The following EXOC4 variants were observed in gnomAD, a reference collection of about 807,000 sequenced individuals.
The protein encoded by EXOC4 is exocyst complex component 4.
A neutral mutation model predicts 107.2 loss-of-function variants in EXOC4; 71 were observed. The ratio of observed to expected loss-of-function variants is 0.66; its 90% CI spans 0.55 to 0.81. EXOC4 has a LOEUF of 0.81. Among genes scored for constraint, EXOC4 ranks in the 30% least tolerant of loss-of-function variants. The pLI is 0.00. For synonymous variants in EXOC4, 456 were observed against 441.2 expected, an observed-to-expected ratio of 1.03 and a Z score of -0.42; for missense variants, 1,108 against 1,189.6, an observed-to-expected ratio of 0.93 and a Z score of 1.01.
chr7:133,808,936 A>C (rs1323371534), intron 10 of EXOC4, among the ~76,000 whole-genome samples: 3 of 151,982 alleles, frequency 2.0e-5, no homozygotes, highest in Non-Finnish European at 4.4e-5. Flanking sequence ...CTCTCCTGAA[A>C]AGTTCTGCAT....
intron 9 of EXOC4, among the ~76,000 whole-genome samples, chr7:133,593,648 T>C (rs184006281): frequency 6.6e-6 from 1 of 152,338 alleles, no homozygotes; most frequent in Non-Finnish European, 1.5e-5. Flanking sequence ...TCCTTTTCAG[T>C]TCCATTTCCC....
In EXOC4 at chr7:133,947,930, G is replaced by T. The variant is rs535819554; in HGVS notation, c.2206+9861G>T. On this transcript the variant is annotated intron_variant, in intron 14 of 17. Coordinates refer to ENST00000253861, the MANE Select transcript of EXOC4 (RefSeq NM_021807.4). ...CAACAAGATATGAAAGAATCTCTGG[G>T]AAAGAGGAGAGACAGAAGGAGTTAG... 3.9e-5 allele frequency among the ~76,000 whole-genome samples: 6 copies of T among 152,304 alleles called. No homozygotes were observed. The East Asian group carries it at 9.6e-4, about 24-fold the overall frequency.
At chr7:133,739,095 T>A (rs1387431678) in intron 10 of EXOC4, among the ~76,000 whole-genome samples, 1 of 152,174 alleles carries the variant, frequency 6.6e-6, no homozygotes, top group African/African-American at 2.4e-5. Flanking sequence ...TGGTGCCTTT[T>A]ATGAATTCCC....
At chr7:133,800,501 A>G (rs1796916112) in intron 10 of EXOC4, among the ~76,000 whole-genome samples, 1 of 152,190 alleles carries the variant, frequency 6.6e-6, no homozygotes, top group African/African-American at 2.4e-5. Context: ...AAAGTTTTCC[A>G]GTTTTGTTTT....
intron 9 of EXOC4, among the ~76,000 whole-genome samples, chr7:133,546,828 G>A (rs917590872): frequency 6.6e-6 from 1 of 152,014 alleles, no homozygotes; most frequent in African/African-American, 2.4e-5. Flanking sequence ...TGGATACATA[G>A]CTCTAGACTG....
At chr7:133,857,325 GTA>G (rs71162035) in intron 11 of EXOC4, among the ~76,000 whole-genome samples, 4 of 2,598 alleles carry the variant, frequency 1.5e-3, no homozygotes, top group Non-Finnish European at 2.4e-3. Context: ...ATATATACAC[GTA>G]TATATATATA....
chr7:133,373,875 G>A (rs1755937100), intron 6 of EXOC4, among the ~76,000 whole-genome samples: 1 of 152,154 alleles, frequency 6.6e-6, no homozygotes, highest in Non-Finnish European at 1.5e-5. Flanking sequence ...GATTAATAAT[G>A]GAGAAGTGAG....
intron 7 of EXOC4, among the ~76,000 whole-genome samples, chr7:133,382,843 G>A (rs1404413449): frequency 6.6e-6 from 1 of 152,112 alleles, no homozygotes; most frequent in African/African-American, 2.4e-5. Context: ...TGCAACTTGG[G>A]CTTTCCCTGG....
intron 14 of EXOC4, among the ~76,000 whole-genome samples, chr7:133,945,958 T>C (rs971164175): frequency 1.3e-5 from 2 of 152,240 alleles, no homozygotes; most frequent in Admixed American, 6.5e-5. Flanking sequence ...GGTTTGCTTT[T>C]GTCAGACCAT....
At chr7:133,558,182 GTTCCTTCTCT>G (rs1563107333) in intron 9 of EXOC4, among the ~76,000 whole-genome samples, 4 of 99,836 alleles carry the variant, frequency 4.0e-5, no homozygotes, top group African/African-American at 1.6e-4. Context: ...TGGTATTTTG[GTTCCTTCTCT>G]TTTCTTTTCT....
Position 133,425,434 on chromosome 7 carries a change from A to G in EXOC4, c.1183-49894A>G, listed in dbSNP as rs568905847. On this transcript the variant is annotated intron_variant, in intron 7 of 17. Coordinates refer to ENST00000253861, the MANE Select transcript of EXOC4 (RefSeq NM_021807.4). ...CCTGAGTAGCTGGGATTACAAGTGCACACTGCCACGTCTGGCTAATTTTTT... is the reference window on the plus strand; with the variant it reads ...CCTGAGTAGCTGGGATTACAAGTGCGCACTGCCACGTCTGGCTAATTTTTT... Among the ~76,000 whole-genome samples the G allele has an allele frequency of 1.1e-4, 16 of 152,154 alleles. 1 individual carries two copies. The East Asian group carries it at 3.1e-3, about 29-fold the overall frequency.
chr7:133,310,040 T>C (rs1356826189), intron 4 of EXOC4, among the ~76,000 whole-genome samples: 1 of 152,124 alleles, frequency 6.6e-6, no homozygotes, highest in Non-Finnish European at 1.5e-5. Flanking sequence ...GACTAGGAAA[T>C]TTGGATAGGT....
intron 9 of EXOC4, among the ~76,000 whole-genome samples, chr7:133,626,708 C>G (rs1227248423): frequency 6.6e-6 from 1 of 152,082 alleles, no homozygotes; most frequent in Non-Finnish European, 1.5e-5. Context: ...AATCTCATAC[C>G]CTGTCAATGT....
intron 7 of EXOC4, among the ~76,000 whole-genome samples, chr7:133,378,183 C>T (rs926640366): frequency 2.6e-5 from 4 of 151,770 alleles, no homozygotes; most frequent in Non-Finnish European, 4.4e-5. Context: ...TGGTGTCTGG[C>T]GCCTGTAATC....
At chr7:133,883,572 G>A (rs548551781) in intron 11 of EXOC4, among the ~76,000 whole-genome samples, 1 of 151,908 alleles carries the variant, frequency 6.6e-6, no homozygotes, top group South Asian at 2.1e-4. Context: ...GAGCCCAGGA[G>A]TTTGAGATTG....
At chr7:133,389,895 C>CAAAA (rs34692720) in intron 7 of EXOC4, among the ~76,000 whole-genome samples, 1 of 129,628 alleles carries the variant, frequency 7.7e-6, no homozygotes, top group Non-Finnish European at 1.6e-5. Flanking sequence ...GGCAGCAGGC[C>CAAAA]AAAAAAAAAA....
At chr7:133,912,835 A>G (rs1173453006) in intron 12 of EXOC4, among the ~76,000 whole-genome samples, 1 of 152,200 alleles carries the variant, frequency 6.6e-6, no homozygotes, top group Non-Finnish European at 1.5e-5. Flanking sequence ...TTTAAATCAC[A>G]TGGGAAACTC....
intron 6 of EXOC4, among the ~76,000 whole-genome samples, chr7:133,358,111 C>T (rs1430811106): frequency 2.6e-5 from 4 of 152,056 alleles, no homozygotes; most frequent in Admixed American, 6.6e-5. Context: ...TTGCTTGAAC[C>T]GGGGAGGCGA....
At chr7:133,861,459 C>T (rs185794518) in intron 11 of EXOC4, among the ~76,000 whole-genome samples, 1 of 152,252 alleles carries the variant, frequency 6.6e-6, no homozygotes, top group Admixed American at 6.5e-5. Context: ...AAAACGGAAA[C>T]TCCTGGGCAC....
Sources: gnomAD v4.1 joint callset for allele counts (sites outside exome capture counted in the v4.1 genomes callset) on GRCh38, gnomAD v4.1.1 for gene constraint, MANE v1.5 for transcripts, NCBI Gene and HGNC (gene_info 2026-07-23, HGNC 2026-07-21) for gene names.